ITGA10: variants seen among roughly 807,000 people sequenced by gnomAD.
ITGA10 encodes the protein integrin subunit alpha 10.
Under a neutral mutation model 145.2 loss-of-function variants are expected in ITGA10, and 105 were observed. The observed-to-expected ratio is 0.72, with a 90% CI of 0.62 to 0.85. The LOEUF (loss-of-function observed/expected upper bound fraction) is 0.85, where lower values mean the gene tolerates loss of function less well. ITGA10 is among the 40% of genes least tolerant of loss of function. ITGA10 has a pLI of 0.00. For synonymous variants in ITGA10, 506 were observed against 557.8 expected, an observed-to-expected ratio of 0.91 and a Z score of 1.31; for missense variants, 1,317 against 1,444.5, an observed-to-expected ratio of 0.91 and a Z score of 1.43.
intron 7 of ITGA10, 61 bp from the exon 8 acceptor site, chr1:145,903,022 C>G: frequency 6.8e-6 from 4 of 584,992 alleles, no homozygotes; most frequent in Non-Finnish European, 7.8e-6. Flanking sequence ...CACACACACA[C>G]ATACACACAC....
At position 145,901,171 on chromosome 1, in the gene ITGA10, C is replaced by A. The variant is rs1656264704; in HGVS notation, c.1551G>T (p.Lys517Asn). 6.2e-7 allele frequency: 1 copy of A among 1,614,144 alleles called. No homozygotes were observed. Among genetic ancestry groups the A allele is most frequent in the Non-Finnish European group, 8.5e-7 (1 of 1,180,014 alleles). The change falls in exon 13 of 30, where the codon AAG becomes AAT. Residue 517 changes from lysine (K) to asparagine (N), a missense_variant. Lys to Asn is a moderately conservative substitution (Grantham distance 94, BLOSUM62 0). Coordinates refer to ENST00000369304, the MANE Select transcript of ITGA10 (RefSeq NM_003637.5). The surrounding 1 kb of genome is among the most constrained non-coding windows in gnomAD (Gnocchi z 4.3). ...GATACACATAAACACGTCCTGTTTC[C>A]TTGTTCTGGGGTCCCAGGAACATGG... The part of the protein sequence containing the change: ...AAPMFLGPQN[K>N]ETGRVYVYLV...
At position 145,897,346 on chromosome 1, in the gene ITGA10, G is replaced by T; in HGVS notation, c.2575-7C>A. On this transcript the variant is annotated splice_region_variant and splice_polypyrimidine_tract_variant and intron_variant, in intron 20 of 29. Transcript: ENST00000369304. ...CCTTTATTGGGCTCTCTCTCTGAGG[G>T]CAGGGGAATGGAGATAGAAGCTGGA... The T allele has an allele frequency of 6.2e-7, 1 of 1,613,768 alleles. No homozygotes were observed. Among genetic ancestry groups the T allele is most frequent in the Non-Finnish European group, 8.5e-7 (1 of 1,179,706 alleles).
In ITGA10 at chr1:145,893,222, A is replaced by T; in HGVS notation, c.3377T>A (p.Leu1126His). Residue 1126 changes from leucine (L) to histidine (H), a missense_variant, in exon 29 of 30, where the codon CTC becomes CAC. Leu to His is a moderately conservative substitution (Grantham distance 99). Transcript: ENST00000369304. Reference protein sequence around the residue: ...TRPILISLWILIGSVLGGLLL... With the variant: ...TRPILISLWIHIGSVLGGLLL... ...CAACCCTCCCAGGACACTGCCTATG[A>T]GGATCCACAGGGAGATGAGGATAGG... 1 of 1,614,166 alleles carries T rather than the reference A, an allele frequency of 6.2e-7. No individual in the cohort carries two copies. The highest frequency in any genetic ancestry group is 1.1e-5 in the South Asian group (1 of 91,080).
intron 10 of ITGA10, 60 bp downstream of exon 10, chr1:145,902,186 T>C: frequency 1.3e-6 from 2 of 1,585,518 alleles, no homozygotes; most frequent in South Asian, 1.1e-5. Context: ...GAGGGCCCTG[T>C]GGTTGAAGTT....
chr1:145,893,122 G>A lies in ITGA10; in HGVS notation c.3438+39C>T. ...ATAATCAAGGATCCCTCAACTCATG[G>A]GCATCATGCTCCACACTCCCCACTA... On this transcript the variant is annotated intron_variant, in intron 29 of 29. Transcript: ENST00000369304. 2.1e-6 allele frequency: 3 copies of A among 1,426,222 alleles called. 1 individual carries two copies. Among genetic ancestry groups the A allele is most frequent in the Non-Finnish European group, 9.9e-7 (1 of 1,009,014 alleles). The allele number at this position is 1,426,222 out of a possible 1,614,324, so 88.3% of individuals were successfully genotyped here.
chr1:145,896,922 A>G, intron 22 of ITGA10, 64 bp from the exon 23 acceptor site: 1 of 1,537,444 alleles, frequency 6.5e-7, no homozygotes, highest in East Asian at 2.2e-5. Flanking sequence ...CTTCTCTGTT[A>G]ATAGAGGAAT....
rs146660062 is a variant in ITGA10 at position 145,901,193 on chromosome 1, A to C, written c.1529T>G (p.Met510Arg). ...TTDVLLVAAP[M>R]FLGPQNKETG... Reference sequence around the variant, plus strand: ...TTCCTTGTTCTGGGGTCCCAGGAACATGGGGGCAGCCACAAGTAAGACATC... The same window carrying C: ...TTCCTTGTTCTGGGGTCCCAGGAACCTGGGGGCAGCCACAAGTAAGACATC... Residue 510 changes from methionine (M) to arginine (R), a missense_variant, in exon 13 of 30, where the codon ATG (methionine) becomes AGG (arginine). By Grantham distance (91) the Met-to-Arg change is moderately conservative (BLOSUM62 -1). Coordinates refer to ENST00000369304, the MANE Select transcript of ITGA10 (RefSeq NM_003637.5). This position sits in a 1 kb window ranked among gnomAD's most constrained non-coding sequence, Gnocchi z 4.3. 66 of 1,614,116 alleles carry C rather than the reference A, an allele frequency of 4.1e-5. No homozygotes were observed. The highest frequency in any genetic ancestry group is 5.3e-5 in the Non-Finnish European group (62 of 1,180,020).
At chr1:145,899,411 T>C in intron 15 of ITGA10, 70 bp from the exon 16 acceptor site, 2 of 1,539,774 alleles carry the variant, frequency 1.3e-6, no homozygotes, top group South Asian at 1.2e-5. Context: ...AGCCCAGTGT[T>C]TGCTTCCCCA....
In ITGA10 at chr1:145,897,865, T is replaced by C. The variant is rs921247850; in HGVS notation, c.2382A>G (p.Glu794=). The change falls in exon 19 of 30, where the codon GAA becomes GAG. Residue 794 remains glutamate, a synonymous_variant. Coordinates refer to ENST00000369304, the MANE Select transcript of ITGA10 (RefSeq NM_003637.5). ...PFSKDCGPDN[E]CVTDLVLQVN... Reference sequence around the variant, plus strand: ...CTTGAAGCACCAGGTCTGTGACACATTCATTGTCAGGGCCACAATCCTTTG... The same window carrying C: ...CTTGAAGCACCAGGTCTGTGACACACTCATTGTCAGGGCCACAATCCTTTG... The C allele has an allele frequency of 6.8e-6, 11 of 1,613,958 alleles. No homozygotes were observed. The Middle Eastern group carries it at 6.6e-4, about 96-fold the overall frequency.
intron 7 of ITGA10, among the ~76,000 whole-genome samples, chr1:145,903,637 CTCT>C (rs1310797496): frequency 6.3e-4 from 96 of 151,740 alleles, no homozygotes; most frequent in African/African-American, 2.0e-3. Flanking sequence ...CCTGCCCTAA[CTCT>C]TCTTCTTCTT....
In ITGA10 at chr1:145,904,755, G is replaced by T; in HGVS notation, c.538C>A (p.Pro180Thr). The T allele has an allele frequency of 6.2e-7, 1 of 1,613,798 alleles. No individual in the cohort carries two copies. The highest frequency in any genetic ancestry group is 8.5e-7 in the Non-Finnish European group (1 of 1,179,802). Residue 180 changes from proline to threonine, a missense_variant, in exon 6 of 30, where the codon CCC (proline) becomes ACC (threonine). Transcript: ENST00000369304. ...AGGAAGGTCTGAACTTCAGACCAGG[G>T]GTAGATGCTGTTGGAGCCATCCAAG... ...IVLDGSNSIY[P>T]WSEVQTFLRR... is the part of the protein sequence containing the mutation.
rs1553748695 is a variant in ITGA10, at chr1:145,901,724, G to T, written c.1295-60C>A. On this transcript the variant is annotated intron_variant, in intron 11 of 29. Transcript: ENST00000369304. This position sits in a 1 kb window ranked among gnomAD's most constrained non-coding sequence, Gnocchi z 4.3. Reference sequence around the variant, plus strand: ...AGAAGATGGGGTCCAGAGTAGGGGGGTTCCCTAAAGGCATAGCAGGAGGTC... The same window carrying T: ...AGAAGATGGGGTCCAGAGTAGGGGGTTTCCCTAAAGGCATAGCAGGAGGTC... 7 of 1,534,220 alleles carry T rather than the reference G, an allele frequency of 4.6e-6. No homozygotes were observed. Among genetic ancestry groups the T allele is most frequent in the Non-Finnish European group, 4.4e-6 (5 of 1,140,170 alleles).
At chr1:145,894,261 G>A in intron 27 of ITGA10, among the ~76,000 whole-genome samples, 1 of 151,670 alleles carries the variant, frequency 6.6e-6, no homozygotes, top group Middle Eastern at 3.4e-3. Flanking sequence ...ATAGGCGCCT[G>A]CCACCACACC....
rs781979871 is a variant in ITGA10, at chr1:145,904,045, G to C, written c.758+7C>G. The C allele has an allele frequency of 1.2e-6, 2 of 1,613,642 alleles. No homozygotes were observed. The highest frequency in any genetic ancestry group is 1.7e-6 in the Non-Finnish European group (2 of 1,179,864). On this transcript the variant is annotated splice_region_variant and intron_variant, in intron 7 of 29. Coordinates refer to ENST00000369304, the MANE Select transcript of ITGA10 (RefSeq NM_003637.5). ...AGCCTCCCACACCTGTCTTCCCAAT[G>C]CCTCACCAGGCCACCATTATTGCTT...
At chr1:145,904,993 T>C (rs1656921175) in intron 5 of ITGA10, among the ~76,000 whole-genome samples, 182 bp from the exon 6 acceptor site, 1 of 152,136 alleles carries the variant, frequency 6.6e-6, no homozygotes, top group Non-Finnish European at 1.5e-5. Flanking sequence ...TAATCTTTAG[T>C]AATTGTGTGT....
At position 145,906,407 on chromosome 1, in the gene ITGA10, T is replaced by C; in HGVS notation, c.468A>G (p.Ala156=). Residue 156 remains alanine, a synonymous_variant, in exon 5 of 30, where the codon GCA becomes GCG. Coordinates refer to ENST00000369304, the MANE Select transcript of ITGA10 (RefSeq NM_003637.5). ...DASFQPQGSL[A]PTAQRCPTYM... ...CCTCTGGCTCACGTTGGGCAGTGGG[T>C]GCCAGGCTTCCCTGAGGCTGGAATG... The C allele has an allele frequency of 6.2e-7, 1 of 1,613,720 alleles. No homozygotes were observed. The highest frequency in any genetic ancestry group is 8.5e-7 in the Non-Finnish European group (1 of 1,179,790).
intron 20 of ITGA10, 65 bp from the exon 21 acceptor site, chr1:145,897,404 C>A: frequency 6.3e-7 from 1 of 1,593,858 alleles, no homozygotes; most frequent in Non-Finnish European, 8.6e-7. Flanking sequence ...TACCCACAGC[C>A]TCTAAACACT....
At position 145,902,231 on chromosome 1, in the gene ITGA10, G is replaced by T. The variant is rs782493262; in HGVS notation, c.1149+15C>A. On this transcript the variant is annotated intron_variant, in intron 10 of 29. Transcript: ENST00000369304. Reference sequence around the variant, plus strand: ...AGAGAATGGGAGAAGTAATGAAGGGGTCAATCTGTCCAACCTTTAGCCGAT... The same window carrying T: ...AGAGAATGGGAGAAGTAATGAAGGGTTCAATCTGTCCAACCTTTAGCCGAT... 2.5e-6 allele frequency: 4 copies of T among 1,612,778 alleles called. No homozygotes were observed. The highest frequency in any genetic ancestry group is 3.4e-6 in the Non-Finnish European group (4 of 1,178,822).
At chr1:145,907,279 G>C in intron 2 of ITGA10, 75 bp downstream of exon 2, 1 of 1,611,044 alleles carries the variant, frequency 6.2e-7, no homozygotes. Flanking sequence ...TTAGTTTAGA[G>C]TCCCATCTAT....
Sources: gnomAD v4.1 joint callset for allele counts (sites outside exome capture counted in the v4.1 genomes callset) on GRCh38, gnomAD v4.1.1 for gene constraint, Gnocchi (gnomAD v3.1) non-coding constraint, MANE v1.5 for transcripts, NCBI Gene and HGNC (gene_info 2026-07-23, HGNC 2026-07-21) for gene names.